The following ASIC2 variants were observed in gnomAD, a reference collection of about 807,000 sequenced individuals.
The protein encoded by ASIC2 is acid sensing ion channel subunit 2, also known as acid-sensing ion channel 2.
Under a neutral mutation model 57.3 loss-of-function variants are expected in ASIC2, and 25 were observed. The ratio of observed to expected loss-of-function variants is 0.44; its 90% CI spans 0.32 to 0.61. ASIC2 has a LOEUF of 0.61. ASIC2 is among the 20% of genes least tolerant of loss of function. The pLI is 0.06. For synonymous variants in ASIC2, 319 were observed against 307.5 expected (o/e 1.04, Z -0.39); for missense variants, 641 against 738.1 (o/e 0.87, Z 1.52).
chr17:33,168,494 G>C (rs1411702886), intron 1 of ASIC2, among the ~76,000 whole-genome samples: 1 of 152,178 alleles, frequency 6.6e-6, no homozygotes, highest in East Asian at 1.9e-4. Flanking sequence ...AATGCTGGTA[G>C]AAATATGGAT....
chr17:33,970,355 T>C (rs79252884), intron 1 of ASIC2, among the ~76,000 whole-genome samples: 7,499 of 152,250 alleles, frequency 0.049, 259 homozygotes, highest in South Asian at 0.15. Context: ...GGATGCATCT[T>C]GACCAGGCCA....
intron 1 of ASIC2, among the ~76,000 whole-genome samples, chr17:33,689,547 G>A (rs1019439187): frequency 6.6e-6 from 1 of 152,058 alleles, no homozygotes; most frequent in African/African-American, 2.4e-5. Flanking sequence ...CCCTGCCCTG[G>A]AGGCAACCAA....
At position 34,103,660 on chromosome 17, in the gene ASIC2, C is replaced by CT. The variant is rs200313051; in HGVS notation, c.555+52317dup. Among the ~76,000 whole-genome samples the CT allele has an allele frequency of 6.0e-4, 90 of 150,998 alleles. 1 individual carries two copies. The highest frequency in any genetic ancestry group is 4.7e-3 in the East Asian group (24 of 5,132). ...GGTGTGAGGTCAGAGATTGGGCTCACTTTTTTTTTGCACAGATATCCTGTT... is the reference window on the plus strand; with the variant it reads ...GGTGTGAGGTCAGAGATTGGGCTCACTTTTTTTTTTGCACAGATATCCTGTT... On this transcript the variant is annotated intron_variant, in intron 1 of 9. Transcript: ENST00000359872.
At chr17:33,179,441 A>T (rs942501150) in intron 1 of ASIC2, among the ~76,000 whole-genome samples, 3 of 152,228 alleles carry the variant, frequency 2.0e-5, no homozygotes, top group Non-Finnish European at 4.4e-5. Flanking sequence ...CAGAAATCAC[A>T]ATGTTGTCAA....
intron 1 of ASIC2, among the ~76,000 whole-genome samples, chr17:33,711,054 G>A (rs1008550258): frequency 6.6e-5 from 10 of 152,048 alleles, no homozygotes; most frequent in African/African-American, 1.7e-4. Context: ...GGTCTCAAGC[G>A]ATCCTCCCAC....
chr17:33,318,339 TACC>T (rs1906737783), intron 1 of ASIC2, among the ~76,000 whole-genome samples: 1 of 152,176 alleles, frequency 6.6e-6, no homozygotes, highest in African/African-American at 2.4e-5. Context: ...GGCTGCCTGC[TACC>T]ACTGAGCCTG....
At chr17:33,506,407 C>T (rs1468086275) in intron 1 of ASIC2, among the ~76,000 whole-genome samples, 5 of 142,494 alleles carry the variant, frequency 3.5e-5, no homozygotes, top group South Asian at 2.2e-4. Context: ...AGCAGGACTC[C>T]GTCTCAAAAA....
intron 1 of ASIC2, among the ~76,000 whole-genome samples, chr17:33,875,923 T>C (rs559793486): frequency 1.3e-4 from 19 of 151,922 alleles, no homozygotes; most frequent in Non-Finnish European, 2.4e-4. Context: ...AATTTTATTA[T>C]CACAAAAAAG....
At chr17:33,155,582 A>T (rs1904972302) in intron 1 of ASIC2, among the ~76,000 whole-genome samples, 2 of 113,318 alleles carry the variant, frequency 1.8e-5, no homozygotes. Flanking sequence ...TTTTTTTGAG[A>T]CGATGTCTAG....
At chr17:33,299,754 G>A (rs1411092669) in intron 1 of ASIC2, among the ~76,000 whole-genome samples, 1 of 152,196 alleles carries the variant, frequency 6.6e-6, no homozygotes, top group African/African-American at 2.4e-5. Context: ...AGAAGGACCA[G>A]GTCCAGAGTA....
chr17:33,415,711 GGAGA>G (rs147198573), intron 1 of ASIC2, among the ~76,000 whole-genome samples: 1 of 151,444 alleles, frequency 6.6e-6, no homozygotes, highest in South Asian at 2.1e-4. Flanking sequence ...GAGCTGGAGG[GGAGA>G]GAGAGAGAGA....
intron 1 of ASIC2, chr17:34,051,781 T>A (rs1160172980): frequency 1.3e-5 from 2 of 151,274 alleles, no homozygotes; most frequent in Admixed American, 6.6e-5. Flanking sequence ...ATGTTTGGAA[T>A]CATCAGCATG....
At chr17:33,137,817 G>T (rs996177567) in intron 1 of ASIC2, among the ~76,000 whole-genome samples, 1 of 152,190 alleles carries the variant, frequency 6.6e-6, no homozygotes, top group African/African-American at 2.4e-5. Flanking sequence ...CACCTGACTT[G>T]TTCTCCAAAT....
At chr17:33,037,325 T>G (rs2091912917) in intron 3 of ASIC2, among the ~76,000 whole-genome samples, 1 of 151,394 alleles carries the variant, frequency 6.6e-6, no homozygotes, top group Non-Finnish European at 1.5e-5. Context: ...GGGTGGACAA[T>G]GAATGTAGCT....
At chr17:33,769,438 C>T (rs995103337) in intron 1 of ASIC2, among the ~76,000 whole-genome samples, 1 of 152,140 alleles carries the variant, frequency 6.6e-6, no homozygotes. Context: ...ACGGAGTGCC[C>T]CTGCTGGAAG....
At chr17:33,877,635 T>C (rs425775) in intron 1 of ASIC2, among the ~76,000 whole-genome samples, 135,108 of 152,260 alleles carry the variant, frequency 0.89, 60,127 homozygotes, top group African/African-American at 0.95. Flanking sequence ...TGGAGCCCAC[T>C]GCAGCTCAAG....
At chr17:33,042,759 G>A (rs551006594) in intron 3 of ASIC2, among the ~76,000 whole-genome samples, 1 of 152,306 alleles carries the variant, frequency 6.6e-6, no homozygotes, top group South Asian at 2.1e-4. Flanking sequence ...CCACAGCAGG[G>A]TGGAGTCCAC....
intron 1 of ASIC2, among the ~76,000 whole-genome samples, chr17:33,693,194 A>G (rs1329223711): frequency 2.6e-5 from 4 of 152,206 alleles, no homozygotes; most frequent in African/African-American, 9.7e-5. Flanking sequence ...ATCCAGTAAC[A>G]TATCTTTTAA....
At chr17:33,483,386 G>A (rs1158954553) in intron 1 of ASIC2, among the ~76,000 whole-genome samples, 1 of 152,246 alleles carries the variant, frequency 6.6e-6, no homozygotes, top group Non-Finnish European at 1.5e-5. Flanking sequence ...CAACCTGAAG[G>A]TGGTCTTAGC....
Sources: gnomAD v4.1 joint callset for allele counts (sites outside exome capture counted in the v4.1 genomes callset) on GRCh38, gnomAD v4.1.1 for gene constraint, MANE v1.5 for transcripts, NCBI Gene and HGNC (gene_info 2026-07-23, HGNC 2026-07-21) for gene names.